Variants in PPP1R12B observed in about 807,000 individuals in gnomAD.
The protein encoded by PPP1R12B is myosin phosphatase target subunit 2.
Under a neutral mutation model 126.1 loss-of-function variants are expected in PPP1R12B, and 76 were observed. The ratio of observed to expected loss-of-function variants is 0.60; its 90% CI spans 0.50 to 0.73. The LOEUF (loss-of-function observed/expected upper bound fraction) is 0.73. Among genes scored for constraint, PPP1R12B ranks in the 30% least tolerant of loss-of-function variants. The pLI is 0.00. For missense variants in PPP1R12B, 1,052 were observed against 1,205.1 expected (o/e 0.87, Z 1.88); for synonymous variants, 356 against 434.7 (o/e 0.82, Z 2.25).
intron 13 of PPP1R12B, among the ~76,000 whole-genome samples, chr1:202,467,181 A>G (rs1326763344): frequency 6.6e-6 from 1 of 151,440 alleles, no homozygotes; most frequent in East Asian, 1.9e-4. Flanking sequence ...TGGTCCTGCA[A>G]GCAATGCTGT....
intron 23 of PPP1R12B, among the ~76,000 whole-genome samples, chr1:202,573,535 A>G (rs112672444): frequency 1.0e-3 from 155 of 152,292 alleles, no homozygotes; most frequent in African/African-American, 3.7e-3. Flanking sequence ...TGTAGTCATT[A>G]TAACCCACAG....
At chr1:202,405,114 T>C (rs1666413506) in intron 1 of PPP1R12B, among the ~76,000 whole-genome samples, 1 of 152,206 alleles carries the variant, frequency 6.6e-6, no homozygotes, top group African/African-American at 2.4e-5. Flanking sequence ...ACCTGTTCTT[T>C]GGTAATGTGA....
At chr1:202,528,637 C>G (rs1284147077) in intron 18 of PPP1R12B, among the ~76,000 whole-genome samples, 2 of 152,206 alleles carry the variant, frequency 1.3e-5, no homozygotes, top group Non-Finnish European at 2.9e-5. Context: ...GACAGGACCA[C>G]TAACATGTAC....
At chr1:202,556,186 T>C (rs373224067) in intron 18 of PPP1R12B, among the ~76,000 whole-genome samples, 8 of 152,184 alleles carry the variant, frequency 5.3e-5, no homozygotes, top group African/African-American at 1.9e-4. Context: ...TAATACGATA[T>C]TCTTACAATT....
intron 1 of PPP1R12B, among the ~76,000 whole-genome samples, chr1:202,385,702 A>G (rs1663002993): frequency 6.6e-6 from 1 of 152,206 alleles, no homozygotes; most frequent in Admixed American, 6.5e-5. Flanking sequence ...GCAAGGGCTC[A>G]CAGCTAAATC....
At chr1:202,566,697 T>C (rs1688082470) in intron 21 of PPP1R12B, among the ~76,000 whole-genome samples, 1 of 152,264 alleles carries the variant, frequency 6.6e-6, no homozygotes, top group East Asian at 1.9e-4. Flanking sequence ...TGCTTCATAG[T>C]AGATGCAGCA....
At chr1:202,392,473 G>A (rs76540462) in intron 1 of PPP1R12B, among the ~76,000 whole-genome samples, 1,549 of 152,068 alleles carry the variant, frequency 0.01, 25 homozygotes, top group African/African-American at 0.034. Context: ...TAGGAGGAGG[G>A]AGGGTAAGAG....
At chr1:202,567,009 G>A (rs1450698063) in intron 21 of PPP1R12B, among the ~76,000 whole-genome samples, 2 of 152,216 alleles carry the variant, frequency 1.3e-5, no homozygotes, top group Non-Finnish European at 2.9e-5. Context: ...TTTTAAGGAA[G>A]GGCCATTATC....
At chr1:202,499,306 G>C (rs753866729) in intron 18 of PPP1R12B, among the ~76,000 whole-genome samples, 7 of 152,120 alleles carry the variant, frequency 4.6e-5, no homozygotes, top group African/African-American at 1.4e-4. Flanking sequence ...CCAGGTTGGA[G>C]TGCAGTGATG....
chr1:202,450,395 G>A (rs1572083815), intron 13 of PPP1R12B, among the ~76,000 whole-genome samples: 1 of 152,204 alleles, frequency 6.6e-6, no homozygotes, highest in African/African-American at 2.4e-5. Flanking sequence ...ATTAGAAAAT[G>A]TGACCGAGCA....
chr1:202,423,446 A>G, intron 3 of PPP1R12B, among the ~76,000 whole-genome samples: 1 of 152,160 alleles, frequency 6.6e-6, no homozygotes, highest in East Asian at 1.9e-4. Flanking sequence ...AACTTTTAGA[A>G]CAGTCAGGGC....
chr1:202,358,482 A>G (rs1657525516), intron 1 of PPP1R12B, among the ~76,000 whole-genome samples: 1 of 152,168 alleles, frequency 6.6e-6, no homozygotes, highest in South Asian at 2.1e-4. Flanking sequence ...GGAGATTGAG[A>G]CCATCCTGGC....
intron 1 of PPP1R12B, among the ~76,000 whole-genome samples, chr1:202,407,127 AC>A (rs2148583661): frequency 6.6e-6 from 1 of 152,344 alleles, no homozygotes; most frequent in South Asian, 2.1e-4. Flanking sequence ...GACGTGTATA[AC>A]CATAGTGCAA....
intron 18 of PPP1R12B, among the ~76,000 whole-genome samples, chr1:202,551,606 A>T (rs981433035): frequency 2.6e-5 from 4 of 152,122 alleles, no homozygotes; most frequent in Non-Finnish European, 5.9e-5. Context: ...GATCTGTAGA[A>T]CCCACGTATA....
chr1:202,413,246 G>A (rs1409304849), intron 1 of PPP1R12B, among the ~76,000 whole-genome samples: 9 of 152,100 alleles, frequency 5.9e-5, no homozygotes, highest in Admixed American at 5.9e-4. Context: ...TAACAAAGAT[G>A]CTGTTTGTAA....
intron 18 of PPP1R12B, among the ~76,000 whole-genome samples, chr1:202,523,824 C>T (rs1288807419): frequency 6.6e-6 from 1 of 152,166 alleles, no homozygotes; most frequent in Non-Finnish European, 1.5e-5. Context: ...AAGCGATTCT[C>T]CTGCCTCAGC....
chr1:202,512,575 G>C (rs1681651874), intron 18 of PPP1R12B, among the ~76,000 whole-genome samples: 1 of 152,170 alleles, frequency 6.6e-6, no homozygotes, highest in Non-Finnish European at 1.5e-5. Context: ...CTGTAAAAAT[G>C]AGATTATTAT....
intron 18 of PPP1R12B, among the ~76,000 whole-genome samples, chr1:202,500,362 ATAAAT>A (rs1680084524): frequency 6.6e-6 from 1 of 152,254 alleles, no homozygotes; most frequent in Non-Finnish European, 1.5e-5. Context: ...AGATGAACAG[ATAAAT>A]TAAATGTGGT....
intron 23 of PPP1R12B, chr1:202,574,914 A>T: frequency 7.8e-7 from 1 of 1,284,962 alleles, no homozygotes; most frequent in Non-Finnish European, 1.1e-6. Flanking sequence ...AAGTCATGTG[A>T]TTTCTTTGTC....
Sources: allele counts gnomAD v4.1 joint callset (sites outside exome capture counted in the v4.1 genomes callset), GRCh38; gene constraint gnomAD v4.1.1; transcripts MANE v1.5; gene names NCBI Gene and HGNC (gene_info 2026-07-23, HGNC 2026-07-21).